The following RHBDD1 variants were observed in gnomAD, a reference collection of about 807,000 sequenced individuals.
The protein encoded by RHBDD1 is rhomboid-related protein 4.
RHBDD1 carries 38 observed loss-of-function variants against 36.3 expected under a neutral mutation model. The observed-to-expected ratio is 1.05, with a 90% CI of 0.81 to 1.37. The LOEUF is 1.37. RHBDD1 is among the 40% of genes most tolerant of loss of function. The pLI, the probability that RHBDD1 is intolerant of heterozygous loss-of-function variation, is 0.00. For synonymous variants in RHBDD1, 151 were observed against 136.5 expected, an observed-to-expected ratio of 1.11 and a Z score of -0.74; for missense variants, 393 against 377.6, an observed-to-expected ratio of 1.04 and a Z score of -0.34.
chr2:226,919,165 T>C (rs981644875), intron 8 of RHBDD1, among the ~76,000 whole-genome samples: 1 of 152,048 alleles, frequency 6.6e-6, no homozygotes, highest in Non-Finnish European at 1.5e-5. Flanking sequence ...AATTAGATTA[T>C]TAGGTTTTAT....
chr2:226,875,737 T>C (rs569022956), intron 5 of RHBDD1, among the ~76,000 whole-genome samples: 1 of 152,342 alleles, frequency 6.6e-6, no homozygotes, highest in Admixed American at 6.5e-5. Flanking sequence ...TATAGGAAGC[T>C]TGGCAAATTT....
chr2:226,886,694 A>G (rs558254363), intron 5 of RHBDD1, among the ~76,000 whole-genome samples: 1 of 152,350 alleles, frequency 6.6e-6, no homozygotes, highest in East Asian at 1.9e-4. Context: ...AAGGCAAAAC[A>G]ATAGTCATAA....
chr2:226,869,683 G>A (rs1395555054), intron 5 of RHBDD1, among the ~76,000 whole-genome samples: 1 of 152,212 alleles, frequency 6.6e-6, no homozygotes, highest in Non-Finnish European at 1.5e-5. Flanking sequence ...ATCGTGAGGA[G>A]TATGAGGCAT....
rs149599077 is a variant in RHBDD1, at chr2:226,878,881, C to T, written c.566+11563C>T. On this transcript the variant is annotated intron_variant, in intron 5 of 8. Transcript: ENST00000392062. ...AAGTGTGCAAAGGACAGTGTTGAGT[C>T]GGGGAGAGTAGAGTGAAAAGAAGGG... 2.9e-4 allele frequency among the ~76,000 whole-genome samples: 44 copies of T among 152,028 alleles called. No homozygotes were observed. In the East Asian group the frequency reaches 5.2e-3, roughly 18 times the overall value.
intron 5 of RHBDD1, among the ~76,000 whole-genome samples, chr2:226,884,962 A>G (rs1375439597): frequency 2.0e-5 from 3 of 152,198 alleles, no homozygotes; most frequent in African/African-American, 7.2e-5. Context: ...AATGAATTAC[A>G]TCTTTAGGAT....
the RHBDD1 span, among the ~76,000 whole-genome samples, chr2:226,822,644 A>C: frequency 6.6e-6 from 1 of 151,878 alleles, no homozygotes; most frequent in Non-Finnish European, 1.5e-5. Flanking sequence ...AAAAAAAAAA[A>C]AAAAAAAAGA....
chr2:226,982,220 C>T (rs1955936975), intron 8 of RHBDD1, among the ~76,000 whole-genome samples: 1 of 152,228 alleles, frequency 6.6e-6, no homozygotes. Flanking sequence ...AGCCATAACT[C>T]ACTCTAATTG....
At chr2:226,948,572 A>T (rs1358909064) in intron 8 of RHBDD1, among the ~76,000 whole-genome samples, 2 of 127,486 alleles carry the variant, frequency 1.6e-5, no homozygotes, top group Non-Finnish European at 3.2e-5. Context: ...TATAAAAAAA[A>T]AAAAAAAAAA....
intron 3 of RHBDD1, among the ~76,000 whole-genome samples, chr2:226,856,513 A>C (rs1943342112): frequency 6.6e-6 from 1 of 152,196 alleles, no homozygotes; most frequent in East Asian, 1.9e-4. Flanking sequence ...AAATGTTCTC[A>C]TCCATTGGCT....
chr2:226,911,442 A>T (rs1457361933), intron 7 of RHBDD1, among the ~76,000 whole-genome samples: 1 of 151,960 alleles, frequency 6.6e-6, no homozygotes, highest in East Asian at 1.9e-4. Context: ...GTCTCTATAA[A>T]TATTCTATTA....
chr2:226,895,418 T>C (rs1349945300), intron 5 of RHBDD1, among the ~76,000 whole-genome samples: 2 of 152,044 alleles, frequency 1.3e-5, no homozygotes, highest in African/African-American at 4.8e-5. Flanking sequence ...GCAGAGAAGA[T>C]GGAGAGGATT....
intron 5 of RHBDD1, chr2:226,895,927 T>A: frequency 3.7e-6 from 2 of 535,116 alleles, no homozygotes; most frequent in Non-Finnish European, 4.8e-6. Flanking sequence ...ACTGAAACAC[T>A]ATTATAAGAA....
intron 8 of RHBDD1, among the ~76,000 whole-genome samples, chr2:226,932,141 GT>G (rs565809656): frequency 1.3e-5 from 2 of 152,062 alleles, no homozygotes; most frequent in East Asian, 3.9e-4. Flanking sequence ...CGATTATATA[GT>G]TTTTCTTTTT....
At chr2:226,903,142 A>G (rs1053389615) in intron 5 of RHBDD1, among the ~76,000 whole-genome samples, 6 of 152,126 alleles carry the variant, frequency 3.9e-5, no homozygotes, top group Non-Finnish European at 8.8e-5. Context: ...TGTCATTTTT[A>G]CAACTATTAA....
At chr2:226,827,270 G>A in the RHBDD1 span, among the ~76,000 whole-genome samples, 14 of 152,148 alleles carry the variant, frequency 9.2e-5, no homozygotes, top group Non-Finnish European at 1.3e-4. Flanking sequence ...CAGCCTAATG[G>A]TGTTTTTAAA....
At chr2:226,908,447 A>C in intron 6 of RHBDD1, 1 of 198,784 alleles carries the variant, frequency 5.0e-6, no homozygotes, top group Admixed American at 5.3e-5. Context: ...CTCTCCTAAC[A>C]CCTTCTTTGA....
At chr2:226,836,877 G>A (rs569764873) in intron 1 of RHBDD1, among the ~76,000 whole-genome samples, 1 of 152,280 alleles carries the variant, frequency 6.6e-6, no homozygotes, top group East Asian at 1.9e-4. Context: ...TTTGCTGCAG[G>A]CCTGCCGTCG....
intron 5 of RHBDD1, chr2:226,895,884 CT>C: frequency 2.3e-6 from 2 of 878,764 alleles, no homozygotes; most frequent in Non-Finnish European, 2.7e-6. Flanking sequence ...TGCTCGGTGT[CT>C]TTTCCCTTTG....
chr2:226,943,469 A>C (rs1490907475), intron 8 of RHBDD1, among the ~76,000 whole-genome samples: 1 of 152,194 alleles, frequency 6.6e-6, no homozygotes, highest in East Asian at 1.9e-4. Context: ...TTGATTTTCA[A>C]CTCAATGAGT....
Sources: allele counts gnomAD v4.1 joint callset (sites outside exome capture counted in the v4.1 genomes callset), GRCh38; gene constraint gnomAD v4.1.1; transcripts MANE v1.5; gene names NCBI Gene and HGNC (gene_info 2026-07-23, HGNC 2026-07-21).